VWDE: variants seen among roughly 807,000 people sequenced by gnomAD.
VWDE encodes the protein von Willebrand factor D and EGF domain-containing protein.
A neutral mutation model predicts 178.4 loss-of-function variants in VWDE; 207 were observed. The ratio of observed to expected loss-of-function variants is 1.16; its 90% CI spans 1.04 to 1.30. VWDE has a LOEUF of 1.30. VWDE is among the 50% of genes most tolerant of loss of function. The probability of loss-of-function intolerance (pLI) is 0.00; values close to 1 mark genes in which losing one functional copy is unlikely to be tolerated. For missense variants in VWDE, 2,287 were observed against 1,901.3 expected, an observed-to-expected ratio of 1.20 and a Z score of -3.77; for synonymous variants, 738 against 651.4, an observed-to-expected ratio of 1.13 and a Z score of -2.02.
At chr7:12,400,852 T>C (rs112792950) in intron 1 of VWDE, among the ~76,000 whole-genome samples, 168 of 152,184 alleles carry the variant, frequency 1.1e-3, no homozygotes, top group African/African-American at 3.9e-3. Flanking sequence ...AGCATACATA[T>C]AGAAAAATTA....
chr7:12,397,860 G>T (rs762552860), intron 1 of VWDE, among the ~76,000 whole-genome samples: 1 of 151,866 alleles, frequency 6.6e-6, no homozygotes, highest in Non-Finnish European at 1.5e-5. Context: ...CCACAATGAG[G>T]TATCATCTTA....
chr7:12,348,093 A>T (rs1781712683), intron 19 of VWDE, among the ~76,000 whole-genome samples: 1 of 152,142 alleles, frequency 6.6e-6, no homozygotes, highest in Non-Finnish European at 1.5e-5. Flanking sequence ...TTGAAGACTT[A>T]AACGTTAGAC....
chr7:12,357,546 C>A (rs758971884), intron 16 of VWDE, 31 bp from the exon 17 acceptor site: 1 of 1,546,882 alleles, frequency 6.5e-7, no homozygotes, highest in South Asian at 1.2e-5. Context: ...AACTTTATAC[C>A]CGTGTAGAAA....
At position 12,370,457 on chromosome 7, in the gene VWDE, G is replaced by T. The variant is rs765091889; in HGVS notation, c.1849C>A (p.Pro617Thr). The change falls in exon 12 of 29, where the codon CCT (proline) becomes ACT (threonine). Residue 617 changes from proline (P) to threonine (T), a missense_variant. Transcript: ENST00000275358. ...SDTLPVSMTS[P>T]GKPSYCSCSL... is the part of the protein sequence containing the mutation. The stretch of plus-strand genomic sequence containing the variant: ...CAGCTACAATAGGATGGCTTTCCAG[G>T]TGATGTCATAGAAACTGGCAGTGTG... The T allele has an allele frequency of 6.5e-7, 1 of 1,542,686 alleles. No individual in the cohort carries two copies. Among genetic ancestry groups the T allele is most frequent in the South Asian group, 1.2e-5 (1 of 84,020 alleles).
At chr7:12,352,891 G>C (rs765514734) in intron 18 of VWDE, among the ~76,000 whole-genome samples, 1 of 151,488 alleles carries the variant, frequency 6.6e-6, no homozygotes, top group Non-Finnish European at 1.5e-5. Context: ...AATTTTTTTT[G>C]TCCATTTTCC....
rs570004440 is a variant in VWDE at position 12,399,921 on chromosome 7, G to A, written c.58+3738C>T. Among the ~76,000 whole-genome samples the A allele has an allele frequency of 4.6e-5, 7 of 152,080 alleles. No homozygotes were observed. In the South Asian group the frequency reaches 1.5e-3, roughly 32 times the overall value. On this transcript the variant is annotated intron_variant, in intron 1 of 28. Coordinates refer to ENST00000275358, the MANE Select transcript of VWDE (RefSeq NM_001135924.3). ...AATGAAATTAGAACTCAATAACAAT[G>A]AAATTTAAAAAACTTTACAAATATG... is the stretch of plus-strand genomic sequence containing the variant.
At chr7:12,335,991 T>A in intron 27 of VWDE, 150 bp downstream of exon 27, 1 of 642,888 alleles carries the variant, frequency 1.6e-6, no homozygotes, top group South Asian at 2.2e-5. Flanking sequence ...ATTTAGGAAG[T>A]TTTTGTTTTA....
At chr7:12,402,329 T>C (rs1784940839) in intron 1 of VWDE, among the ~76,000 whole-genome samples, 1 of 152,238 alleles carries the variant, frequency 6.6e-6, no homozygotes, top group South Asian at 2.1e-4. Flanking sequence ...TTGTATGGTA[T>C]ATGAACATCT....
rs1430778063 is a variant in VWDE, at chr7:12,370,400, C to T, written c.1906G>A (p.Glu636Lys). ...SLDTAAYPSS[E>K]DLDSVSRSEI... is the part of the protein sequence containing the mutation. ...GATCGAGAAACACTGTCCAGATCTT[C>T]GGAAGACGGATACGCTGCAGTGTCC... is the stretch of plus-strand genomic sequence containing the variant. The change falls in exon 12 of 29, where the codon GAA (glutamate) becomes AAA (lysine). Residue 636 changes from glutamate (E) to lysine (K), a missense_variant. Glu to Lys is a moderately conservative substitution (Grantham distance 56, BLOSUM62 1). Coordinates refer to ENST00000275358, the MANE Select transcript of VWDE (RefSeq NM_001135924.3). The T allele has an allele frequency of 1.1e-5, 17 of 1,548,970 alleles. No homozygotes were observed. Among genetic ancestry groups the T allele is most frequent in the Admixed American group, 2.0e-5 (1 of 50,966 alleles).
intron 3 of VWDE, among the ~76,000 whole-genome samples, chr7:12,385,485 T>C (rs920298708): frequency 1.3e-5 from 2 of 152,194 alleles, no homozygotes; most frequent in Non-Finnish European, 2.9e-5. Flanking sequence ...TTTTGAACTT[T>C]CTCTTTTATC....
chr7:12,386,670 C>T (rs1257618709), intron 3 of VWDE, among the ~76,000 whole-genome samples: 2 of 152,214 alleles, frequency 1.3e-5, no homozygotes, highest in African/African-American at 4.8e-5. Context: ...ACAGTTTAAC[C>T]TCCAGCTCTC....
chr7:12,345,434 G>A (rs76985466), intron 19 of VWDE, among the ~76,000 whole-genome samples: 3 of 151,978 alleles, frequency 2.0e-5, no homozygotes, highest in African/African-American at 2.4e-5. Flanking sequence ...AAGGGGCAGC[G>A]TCCACATTGG....
intron 18 of VWDE, among the ~76,000 whole-genome samples, chr7:12,355,208 A>G (rs1374480496): frequency 1.3e-5 from 2 of 152,080 alleles, no homozygotes; most frequent in Non-Finnish European, 2.9e-5. Flanking sequence ...CGAGGTCAGG[A>G]GATTGAGACC....
At chr7:12,350,509 T>C (rs749059978) in intron 19 of VWDE, among the ~76,000 whole-genome samples, 13 of 152,052 alleles carry the variant, frequency 8.5e-5, no homozygotes, top group African/African-American at 1.4e-4. Flanking sequence ...ATTGGATAAA[T>C]GGTATCTAGC....
At position 12,383,494 on chromosome 7, in the gene VWDE, G is replaced by C. The variant is rs114667861; in HGVS notation, c.541+42C>G. 2.1e-3 allele frequency: 2,994 copies of C among 1,432,722 alleles called. 70 individuals are homozygous for C. The African/African-American group carries it at 0.038, about 18-fold the overall frequency. The allele number at this position is 1,432,722 out of a possible 1,614,324, so 88.8% of individuals were successfully genotyped here. A position where few individuals can be genotyped will look rare whatever the true frequency, so the allele number is the denominator to read the frequency against. ...TATAATTATCTGTTGAAATAGTCTA[G>C]TTTATAAAAACACTATTAAAAAAGC... is the stretch of plus-strand genomic sequence containing the variant. On this transcript the variant is annotated intron_variant, in intron 4 of 28. Transcript: ENST00000275358.
Position 12,337,035 on chromosome 7 carries a change from C to T in VWDE, c.4511G>A (p.Ser1504Asn), listed in dbSNP as rs1012671584. The change falls in exon 26 of 29, where the codon AGC (serine) becomes AAC (asparagine). Residue 1504 changes from serine (S) to asparagine (N), a missense_variant. Physicochemically the swap from Ser to Asn is conservative, Grantham distance 46 (BLOSUM62 1). Coordinates refer to ENST00000275358, the MANE Select transcript of VWDE (RefSeq NM_001135924.3). ...CCAACCAGAAGGACAAGAGCAAGTGCTTGGTCCCACACATTTTCCTCCATT... is the reference window on the plus strand; with the variant it reads ...CCAACCAGAAGGACAAGAGCAAGTGTTTGGTCCCACACATTTTCCTCCATT... The part of the protein sequence containing the change: ...CMNGGKCVGP[S>N]TCSCPSGWSG... 2.6e-6 allele frequency: 4 copies of T among 1,551,544 alleles called. No homozygotes were observed. Among genetic ancestry groups the T allele is most frequent in the Non-Finnish European group, 3.5e-6 (4 of 1,146,898 alleles).
At position 12,380,629 on chromosome 7, in the gene VWDE, C is replaced by T. The variant is rs749482761; in HGVS notation, c.646G>A (p.Ala216Thr). ...LFCRCSFDVP[A>T]TKNSVGFHIA... ...TGAAATCCCACTGAGTTTTTTGTAG[C>T]GGGAACATCAAAAGAACACCTACAG... The change falls in exon 5 of 29, where the codon GCT (alanine) becomes ACT (threonine). Residue 216 changes from alanine (A) to threonine (T), a missense_variant. Ala to Thr is a moderately conservative substitution (Grantham distance 58). Transcript: ENST00000275358. 11 of 1,552,064 alleles carry T rather than the reference C, an allele frequency of 7.1e-6. No individual in the cohort carries two copies. The highest frequency in any genetic ancestry group is 2.4e-5 in the East Asian group (1 of 40,918).
intron 26 of VWDE, among the ~76,000 whole-genome samples, chr7:12,336,457 G>A (rs915435316): frequency 1.7e-4 from 26 of 152,120 alleles, no homozygotes; most frequent in African/African-American, 4.3e-4. Flanking sequence ...GTTTGAATGC[G>A]TCGTGATTTA....
Position 12,357,460 on chromosome 7 carries a change from A to G in VWDE, c.3330T>C (p.Gly1110=). The change falls in exon 17 of 29, where the codon GGT becomes GGC. Residue 1110 remains glycine (G), a synonymous_variant. Transcript: ENST00000275358. ...ALQDKLQTFY[G]ENFEYQFVAF... ...CCACGAACTGATACTCAAAGTTTTC[A>G]CCATAAAATGTCTGTAATTTGTCTT... is the stretch of plus-strand genomic sequence containing the variant. 6.4e-7 allele frequency: 1 copy of G among 1,552,118 alleles called. No homozygotes were observed.
Sources: allele counts gnomAD v4.1 joint callset (sites outside exome capture counted in the v4.1 genomes callset), GRCh38; gene constraint gnomAD v4.1.1; transcripts MANE v1.5; gene names NCBI Gene and HGNC (gene_info 2026-07-23, HGNC 2026-07-21).